TMTC4: variants seen among roughly 807,000 people sequenced by gnomAD.
The protein encoded by TMTC4 is transmembrane O-mannosyltransferase targeting cadherins 4, also known as protein O-mannosyl-transferase TMTC4.
Under a neutral mutation model 86.0 loss-of-function variants are expected in TMTC4, and 65 were observed. The ratio of observed to expected loss-of-function variants is 0.76; its 90% CI spans 0.62 to 0.93. The LOEUF (loss-of-function observed/expected upper bound fraction) is 0.93. Ranked by LOEUF, TMTC4 falls within the 40% of genes least tolerant of loss-of-function variation. The pLI is 0.00. For synonymous variants in TMTC4, 379 were observed against 382.5 expected, an observed-to-expected ratio of 0.99 and a Z score of 0.11; for missense variants, 866 against 948.1, an observed-to-expected ratio of 0.91 and a Z score of 1.14.
At chr13:100,642,360 A>G (rs759697334) in intron 6 of TMTC4, 49 bp from the exon 7 acceptor site, 2 of 1,597,702 alleles carry the variant, frequency 1.3e-6, no homozygotes, top group East Asian at 2.2e-5. Context: ...AATGCAGCTC[A>G]GTTTTTTAGC....
intron 6 of TMTC4, among the ~76,000 whole-genome samples, chr13:100,647,352 G>C (rs983885107): frequency 6.6e-6 from 1 of 151,306 alleles, no homozygotes; most frequent in Non-Finnish European, 1.5e-5. Flanking sequence ...TCCATCCATT[G>C]TTTTCAAGTT....
intron 5 of TMTC4, among the ~76,000 whole-genome samples, chr13:100,658,356 T>C (rs1196091845): frequency 1.3e-5 from 2 of 152,112 alleles, no homozygotes; most frequent in Non-Finnish European, 2.9e-5. Context: ...TGGTGCATCC[T>C]GGCTTTGTGG....
chr13:100,632,571 A>G (rs4772321), intron 12 of TMTC4, among the ~76,000 whole-genome samples: 27,990 of 152,206 alleles, frequency 0.18, 2,866 homozygotes, highest in Admixed American at 0.24. Context: ...TGATAAGTCA[A>G]CAAATCAAAC....
At chr13:100,667,508 A>T (rs759219540) in intron 3 of TMTC4, among the ~76,000 whole-genome samples, 1 of 152,202 alleles carries the variant, frequency 6.6e-6, no homozygotes, top group Non-Finnish European at 1.5e-5. Context: ...ATCAACTGCA[A>T]TATTATATCA....
intron 12 of TMTC4, among the ~76,000 whole-genome samples, chr13:100,627,746 G>A (rs1207860095): frequency 6.6e-6 from 1 of 152,172 alleles, no homozygotes; most frequent in Admixed American, 6.5e-5. Flanking sequence ...GTAGCTTTTG[G>A]GAGGCACAAT....
upstream of TMTC4, chr13:100,674,881 G>A: frequency 2.1e-6 from 2 of 974,576 alleles, no homozygotes; most frequent in Non-Finnish European, 2.4e-6. Context: ...GCCTCCCGCA[G>A]CTCCCCACGC....
Position 100,664,270 on chromosome 13 carries a change from T to C in TMTC4, c.286A>G (p.Ser96Gly). Residue 96 changes from serine (S) to glycine (G), a missense_variant, in exon 4 of 19, where the codon AGC becomes GGC. Ser to Gly is a moderately conservative substitution (Grantham distance 56, BLOSUM62 0). Transcript: ENST00000342624. ...HHDFWGSRLS[S>G]NTSHKSYRPL... is the part of the protein sequence containing the mutation. ...CGGTAGGACTTGTGGCTGGTGTTGCTGCTCAGTCTACTGCCCCAGAAGTCA... is the reference window on the plus strand; with the variant it reads ...CGGTAGGACTTGTGGCTGGTGTTGCCGCTCAGTCTACTGCCCCAGAAGTCA... 6.2e-7 allele frequency: 1 copy of C among 1,612,600 alleles called. No homozygotes were observed. The highest frequency in any genetic ancestry group is 8.5e-7 in the Non-Finnish European group (1 of 1,179,308).
At chr13:100,651,393 T>C (rs1285051158) in intron 6 of TMTC4, among the ~76,000 whole-genome samples, 2 of 151,996 alleles carry the variant, frequency 1.3e-5, no homozygotes, top group East Asian at 3.9e-4. Context: ...TAGTGTTTTT[T>C]GTTTGTTTGT....
chr13:100,666,918 C>A (rs1210888623), intron 3 of TMTC4, among the ~76,000 whole-genome samples: 1 of 152,198 alleles, frequency 6.6e-6, no homozygotes, highest in Non-Finnish European at 1.5e-5. Context: ...TGAGCCCAGG[C>A]ATCGGAGGCT....
At position 100,652,396 on chromosome 13, in the gene TMTC4, T is replaced by C. The variant is rs1043445300; in HGVS notation, c.640+3985A>G. ...TGGGAGGCTGAGGCAGGAGAATCAC[T>C]TGAACCTGGGAGGCAGAGGTTGCAG... On this transcript the variant is annotated intron_variant, in intron 6 of 18. Coordinates refer to ENST00000342624, the MANE Select transcript of TMTC4 (RefSeq NM_032813.5). Among the ~76,000 whole-genome samples the C allele has an allele frequency of 2.6e-5, 4 of 152,170 alleles. No homozygotes were observed. The East Asian group carries it at 7.7e-4, about 29-fold the overall frequency.
rs1389223976 is a variant in TMTC4 at position 100,603,632 on chromosome 13, C to T, written c.*1362G>A. Among the ~76,000 whole-genome samples, 1 of 151,960 alleles carries T rather than the reference C, an allele frequency of 6.6e-6. No homozygotes were observed. Among genetic ancestry groups the T allele is most frequent in the Non-Finnish European group, 1.5e-5 (1 of 67,992 alleles). On this transcript the variant is annotated 3_prime_UTR_variant, in exon 19 of 19. Coordinates refer to ENST00000342624, the MANE Select transcript of TMTC4 (RefSeq NM_032813.5). ...AAAAAAAAAAAAGAAATATTTTAAA[C>T]ACAGCACTTTATTTCTTGATACATT...
chr13:100,639,834 G>A (rs4324009), intron 7 of TMTC4, among the ~76,000 whole-genome samples: 27,792 of 152,034 alleles, frequency 0.18, 2,985 homozygotes, highest in Middle Eastern at 0.25. Context: ...CAGCTACTCG[G>A]GAGGCTGAGG....
chr13:100,631,570 A>T (rs933502311), intron 12 of TMTC4, among the ~76,000 whole-genome samples: 1 of 152,222 alleles, frequency 6.6e-6, no homozygotes, highest in Admixed American at 6.5e-5. Context: ...ACTAATATTG[A>T]TTGTCTACCA....
At chr13:100,627,637 C>T (rs1372711291) in intron 12 of TMTC4, among the ~76,000 whole-genome samples, 2 of 152,188 alleles carry the variant, frequency 1.3e-5, no homozygotes, top group African/African-American at 2.4e-5. Context: ...TCTTGTATGA[C>T]CTCATCTTAA....
chr13:100,623,830 G>T (rs545133656), intron 15 of TMTC4: 4 of 445,482 alleles, frequency 9.0e-6, no homozygotes, highest in East Asian at 6.8e-5. Context: ...GCCTTTGTGC[G>T]GCCAAAACCA....
At chr13:100,653,938 A>G (rs1170787513) in intron 6 of TMTC4, among the ~76,000 whole-genome samples, 1 of 152,206 alleles carries the variant, frequency 6.6e-6, no homozygotes, top group Non-Finnish European at 1.5e-5. Context: ...TGTATTTTCC[A>G]AAGACCAAAG....
rs1384630167 is a variant in TMTC4, at chr13:100,606,469, A to C, written c.2065-42T>G. On this transcript the variant is annotated intron_variant, in intron 17 of 18. Transcript: ENST00000342624. ...ATAAAAAGGAAGATATTTATTGTAC[A>C]TGAAGCAAAAGCAGTTCCCAGTTTT... The C allele has an allele frequency of 4.5e-6, 7 of 1,547,016 alleles. No individual in the cohort carries two copies. In the Admixed American group the frequency reaches 7.2e-5, roughly 16 times the overall value.
chr13:100,628,968 G>C (rs1880946598), intron 12 of TMTC4, among the ~76,000 whole-genome samples: 1 of 152,092 alleles, frequency 6.6e-6, no homozygotes, highest in Admixed American at 6.6e-5. Context: ...GTCCAACATG[G>C]TGAAACCCCA....
At chr13:100,613,864 C>T (rs1444260455) in intron 16 of TMTC4, among the ~76,000 whole-genome samples, 1 of 121,386 alleles carries the variant, frequency 8.2e-6, no homozygotes, top group East Asian at 2.9e-4. Context: ...TTTGAGATGG[C>T]GTTTCGCTCT....
Sources: gnomAD v4.1 joint callset for allele counts (sites outside exome capture counted in the v4.1 genomes callset) on GRCh38, gnomAD v4.1.1 for gene constraint, MANE v1.5 for transcripts, NCBI Gene and HGNC (gene_info 2026-07-23, HGNC 2026-07-21) for gene names.